The following TRIM32 variants were observed in gnomAD, a reference collection of about 807,000 sequenced individuals.
The protein encoded by TRIM32 is E3 ubiquitin-protein ligase TRIM32.
In TRIM32, 19 loss-of-function variants were observed where a neutral mutation model predicts 36.0. That is an observed-to-expected ratio of 0.53 (90% CI 0.37 to 0.77). The LOEUF (loss-of-function observed/expected upper bound fraction) is 0.77. Among genes scored for constraint, TRIM32 ranks in the 30% least tolerant of loss-of-function variants. TRIM32 has a pLI of 0.00. For synonymous variants in TRIM32, 309 were observed against 318.5 expected (o/e 0.97, Z 0.32); for missense variants, 747 against 845.2 (o/e 0.88, Z 1.44).
Position 116,698,960 on chromosome 9 carries a change from A to G in TRIM32, c.1218A>G (p.Glu406=). 3 of 1,614,158 alleles carry G rather than the reference A, an allele frequency of 1.9e-6. No individual in the cohort carries two copies. Among genetic ancestry groups the G allele is most frequent in the Non-Finnish European group, 2.5e-6 (3 of 1,180,038 alleles). ...QVFTRKGFLK[E]IRRSPSGIDS... is the part of the protein sequence containing the mutation. ...TTACCCGCAAAGGCTTTTTGAAGGAAATCCGCCGCAGCCCCAGTGGCATTG... is the reference window on the plus strand; with the variant it reads ...TTACCCGCAAAGGCTTTTTGAAGGAGATCCGCCGCAGCCCCAGTGGCATTG... The change falls in exon 2 of 2, where the codon GAA becomes GAG. Residue 406 remains glutamate (E), a synonymous_variant. Transcript: ENST00000450136. This position sits in a 1 kb window ranked among gnomAD's most constrained non-coding sequence, Gnocchi z 4.4.
rs2281627 is a variant in TRIM32 at position 116,700,910 on chromosome 9, T to C, written c.*1206T>C. 49,604 of 166,942 alleles carry C rather than the reference T, an allele frequency of 0.3. 8,331 individuals carry two copies. The highest frequency in any genetic ancestry group is 0.42 in the Admixed American group (6,491 of 15,280). The allele number at this position is 166,942 out of a possible 1,614,324, so 10.3% of individuals were successfully genotyped here. A position where few individuals can be genotyped will look rare whatever the true frequency, so the allele number is the denominator to read the frequency against. On this transcript the variant is annotated 3_prime_UTR_variant, in exon 2 of 2. Coordinates refer to ENST00000450136, the MANE Select transcript of TRIM32 (RefSeq NM_012210.4). ...AGCCAAAAGCACTATTATGTAAAGATAATAATCCAAATCTTTCTCCCAAAT... is the reference window on the plus strand; with the variant it reads ...AGCCAAAAGCACTATTATGTAAAGACAATAATCCAAATCTTTCTCCCAAAT...
chr9:116,691,272 A>G (rs987841617), intron 1 of TRIM32, among the ~76,000 whole-genome samples: 5 of 152,154 alleles, frequency 3.3e-5, no homozygotes, highest in Non-Finnish European at 7.3e-5. Flanking sequence ...ATATGCAGAG[A>G]AAGGAATTGA....
At chr9:116,695,556 T>C (rs1240452618) in intron 1 of TRIM32, among the ~76,000 whole-genome samples, 1 of 152,250 alleles carries the variant, frequency 6.6e-6, no homozygotes, top group East Asian at 1.9e-4. Context: ...CAAAGTGTTC[T>C]TGAGCTAAAT....
At position 116,697,833 on chromosome 9, in the gene TRIM32, C is replaced by G. The variant is rs746676204; in HGVS notation, c.91C>G (p.Gln31Glu). 1.9e-6 allele frequency: 3 copies of G among 1,614,200 alleles called. No homozygotes were observed. The highest frequency in any genetic ancestry group is 2.5e-6 in the Non-Finnish European group (3 of 1,180,046). Residue 31 changes from glutamine to glutamate, a missense_variant, in exon 2 of 2, where the codon CAG (glutamine) becomes GAG (glutamate). Transcript: ENST00000450136. ...PICMESFTEE[Q>E]LRPKLLHCGH... Reference sequence around the variant, plus strand: ...CTGCATGGAGTCCTTCACAGAAGAGCAGCTGCGTCCCAAGCTTCTGCACTG... The same window carrying G: ...CTGCATGGAGTCCTTCACAGAAGAGGAGCTGCGTCCCAAGCTTCTGCACTG...
At position 116,698,063 on chromosome 9, in the gene TRIM32, G is replaced by GC. The variant is rs1860965626; in HGVS notation, c.325dup (p.Arg109ProfsTer13). ...TGTGTCGGTCCTGTGGGCGGCGTCT[G>GC]CCCCGGCAATTCTGCCGGAGCTGTG... On this transcript the variant is annotated frameshift_variant, in exon 2 of 2. Transcript: ENST00000450136. LOFTEE classifies it high-confidence loss of function. The surrounding 1 kb of genome is among the most constrained non-coding windows in gnomAD (Gnocchi z 4.4). The GC allele has an allele frequency of 6.2e-7, 1 of 1,614,062 alleles. No homozygotes were observed. The highest frequency in any genetic ancestry group is 8.5e-7 in the Non-Finnish European group (1 of 1,180,034).
At chr9:116,688,886 A>C (rs1860419895) in intron 1 of TRIM32, among the ~76,000 whole-genome samples, 1 of 151,956 alleles carries the variant, frequency 6.6e-6, no homozygotes, top group East Asian at 1.9e-4. Context: ...CCAGAAAAAA[A>C]AAAGGGAACC....
intron 1 of TRIM32, 149 bp from the exon 2 acceptor site, chr9:116,697,513 C>A: frequency 1.8e-6 from 1 of 554,402 alleles, no homozygotes; most frequent in East Asian, 3.2e-5. Context: ...ATCTGTCACC[C>A]TCACGTGACA....
intron 1 of TRIM32, among the ~76,000 whole-genome samples, chr9:116,692,956 C>T (rs1860647062): frequency 6.6e-6 from 1 of 152,098 alleles, no homozygotes; most frequent in Non-Finnish European, 1.5e-5. Context: ...TTCATTTACC[C>T]ATCAGTTTTT....
At chr9:116,697,517 C>T (rs1018353430) in intron 1 of TRIM32, 145 bp from the exon 2 acceptor site, 10 of 563,130 alleles carry the variant, frequency 1.8e-5, no homozygotes, top group Admixed American at 6.1e-5. Context: ...GTCACCCTCA[C>T]GTGACATATA....
Position 116,699,983 on chromosome 9 carries a change from A to C in TRIM32, c.*279A>C, listed in dbSNP as rs1390435706. The stretch of plus-strand genomic sequence containing the variant: ...AGCAATTAGGCACTTCCAAGGCTTT[A>C]GTAGAGAGAGCCACTTTAGCCCTTT... On this transcript the variant is annotated 3_prime_UTR_variant, in exon 2 of 2. Transcript: ENST00000450136. This position sits in a 1 kb window ranked among gnomAD's most constrained non-coding sequence, Gnocchi z 4.2. 3 of 526,738 alleles carry C rather than the reference A, an allele frequency of 5.7e-6. No individual in the cohort carries two copies. Among genetic ancestry groups the C allele is most frequent in the Non-Finnish European group, 1.0e-5 (3 of 287,912 alleles). 32.6% of individuals were successfully genotyped at this position (526,738 alleles called of 1,614,324 possible).
intron 1 of TRIM32, 57 bp from the exon 2 acceptor site, chr9:116,697,604 GA>G: frequency 9.1e-7 from 1 of 1,095,322 alleles, no homozygotes. Context: ...AATGTTTCTT[GA>G]GTGAATTTAT....
rs114029413 is a variant in TRIM32, at chr9:116,695,047, C to T, written c.-81-2615C>T. On this transcript the variant is annotated intron_variant, in intron 1 of 1. Coordinates refer to ENST00000450136, the MANE Select transcript of TRIM32 (RefSeq NM_012210.4). ...TTCCTTCTGTGTTATGGAGAAAATG[C>T]GTATGCTATAAGGCAGCATTCCCCA... is the stretch of plus-strand genomic sequence containing the variant. 2.8e-3 allele frequency among the ~76,000 whole-genome samples: 433 copies of T among 152,162 alleles called. 5 individuals are homozygous for T. The highest frequency in any genetic ancestry group is 9.9e-3 in the African/African-American group (411 of 41,508).
Position 116,692,567 on chromosome 9 carries a change from T to C in TRIM32, c.-81-5095T>C, listed in dbSNP as rs147280518. 1.2e-3 allele frequency among the ~76,000 whole-genome samples: 178 copies of C among 152,324 alleles called. No individual in the cohort carries two copies. The East Asian group carries it at 0.015, about 13-fold the overall frequency. ...AAACTGAGAACTACAGAAGTATTAA[T>C]AACTTGCTCACGTCTCCACAATAAG... On this transcript the variant is annotated intron_variant, in intron 1 of 1. Coordinates refer to ENST00000450136, the MANE Select transcript of TRIM32 (RefSeq NM_012210.4).
rs537362342 is a variant in TRIM32 at position 116,697,644 on chromosome 9, G to A, written c.-81-18G>A. On this transcript the variant is annotated intron_variant, in intron 1 of 1. Coordinates refer to ENST00000450136, the MANE Select transcript of TRIM32 (RefSeq NM_012210.4). ...TATAGTCAGAGGAAAATGAATAATGGTTTCTTTTTCTCTTTAGCAGGAATT... is the reference window on the plus strand; with the variant it reads ...TATAGTCAGAGGAAAATGAATAATGATTTCTTTTTCTCTTTAGCAGGAATT... 6.9e-7 allele frequency: 1 copy of A among 1,451,098 alleles called. No homozygotes were observed. Among genetic ancestry groups the A allele is most frequent in the Non-Finnish European group, 9.5e-7 (1 of 1,055,694 alleles). The allele number at this position is 1,451,098 out of a possible 1,614,324, so 89.9% of individuals were successfully genotyped here. A position where few individuals can be genotyped will look rare whatever the true frequency, so the allele number is the denominator to read the frequency against.
At position 116,687,341 on chromosome 9, in the gene TRIM32, G is replaced by A; in HGVS notation, c.-122G>A. On this transcript the variant is annotated 5_prime_UTR_variant, in exon 1 of 2. Transcript: ENST00000450136. ...CGTGCGCAGAGGGAGGCAGGCGGGTGGGCTGCCGGCGGTGGACTCGTCGGA... is the reference window on the plus strand; with the variant it reads ...CGTGCGCAGAGGGAGGCAGGCGGGTAGGCTGCCGGCGGTGGACTCGTCGGA... The A allele has an allele frequency of 1.1e-6, 1 of 907,274 alleles. No individual in the cohort carries two copies. Among genetic ancestry groups the A allele is most frequent in the African/African-American group, 1.8e-5 (1 of 55,412 alleles). The allele number at this position is 907,274 out of a possible 1,614,324, so 56.2% of individuals were successfully genotyped here.
intron 1 of TRIM32, among the ~76,000 whole-genome samples, chr9:116,694,459 C>CTTTTTTTTTT (rs56666915): frequency 1.7e-4 from 15 of 88,038 alleles, no homozygotes; most frequent in East Asian, 3.8e-4. Context: ...TGTAATTTCT[C>CTTTTTTTTTT]TTTTTTTTTT....
rs1033402728 is a variant in TRIM32 at position 116,687,307 on chromosome 9, T to G, written c.-156T>G. 5 of 982,302 alleles carry G rather than the reference T, an allele frequency of 5.1e-6. No individual in the cohort carries two copies. The highest frequency in any genetic ancestry group is 6.0e-6 in the Non-Finnish European group (5 of 827,970). 60.8% of individuals were successfully genotyped at this position (982,302 alleles called of 1,614,324 possible). A position where few individuals can be genotyped will look rare whatever the true frequency, so the allele number is the denominator to read the frequency against. On this transcript the variant is annotated 5_prime_UTR_variant, in exon 1 of 2. Transcript: ENST00000450136. ...CGAATTGGCGCCCGGCAAGGGGTGC[T>G]CAACGGCGCGTGCGCAGAGGGAGGC...
Position 116,687,371 on chromosome 9 carries a change from C to T in TRIM32, c.-92C>T. 4.3e-6 allele frequency: 1 copy of T among 230,692 alleles called. No homozygotes were observed. The highest frequency in any genetic ancestry group is 1.9e-4 in the South Asian group (1 of 5,388). 14.3% of individuals were successfully genotyped at this position (230,692 alleles called of 1,614,324 possible). On this transcript the variant is annotated 5_prime_UTR_variant, in exon 1 of 2. Transcript: ENST00000450136. ...GCCGGCGGTGGACTCGTCGGAGCCG[C>T]GGGCGGTCAGGTAGGGGGCGGGAAG...
intron 1 of TRIM32, 25 bp from the exon 2 acceptor site, chr9:116,697,637 A>C: frequency 7.0e-7 from 1 of 1,418,902 alleles, no homozygotes; most frequent in Non-Finnish European, 9.7e-7. Flanking sequence ...GAGGAAAATG[A>C]ATAATGGTTT....
Sources: gnomAD v4.1 joint callset for allele counts (sites outside exome capture counted in the v4.1 genomes callset) on GRCh38, gnomAD v4.1.1 for gene constraint, Gnocchi (gnomAD v3.1) non-coding constraint, MANE v1.5 for transcripts, NCBI Gene and HGNC (gene_info 2026-07-23, HGNC 2026-07-21) for gene names.